FSTL4: variants seen among roughly 807,000 people sequenced by gnomAD.
FSTL4 encodes follistatin-related protein 4.
Under a neutral mutation model 78.2 loss-of-function variants are expected in FSTL4, and 28 were observed. The observed-to-expected ratio is 0.36, with a 90% confidence interval of 0.27 to 0.49. FSTL4 has a LOEUF of 0.49. Among genes scored for constraint, FSTL4 ranks in the 20% least tolerant of loss-of-function variants. The pLI is 0.98. For missense variants in FSTL4, 922 were observed against 1,084.9 expected (o/e 0.85, Z 2.11); for synonymous variants, 422 against 440.5 (o/e 0.96, Z 0.53).
chr5:133,276,800 A>G (rs1386314109), intron 6 of FSTL4, among the ~76,000 whole-genome samples: 3 of 152,194 alleles, frequency 2.0e-5, no homozygotes, highest in Admixed American at 2.0e-4. Flanking sequence ...ATTTTCCCAA[A>G]CTGGAAACAA....
chr5:133,274,380 C>CTTTTTTTTTTTTTTTTTTTT lies in FSTL4; in HGVS notation c.728-24805_728-24804insAAAAAAAAAAAAAAAAAAAA, dbSNP rs59634629. On this transcript the variant is annotated intron_variant, in intron 6 of 15. Transcript: ENST00000265342. ...ATTCTCAGAAAAAGGGCAATCTGTG[C>CTTTTTTTTTTTTTTTTTTTT]TTTTTTTTTTTTTTTTAGGAGAACA... Among the ~76,000 whole-genome samples the CTTTTTTTTTTTTTTTTTTTT allele has an allele frequency of 4.2e-5, 3 of 71,022 alleles. 1 individual carries two copies. Among genetic ancestry groups the CTTTTTTTTTTTTTTTTTTTT allele is most frequent in the Non-Finnish European group, 7.2e-5 (3 of 41,644 alleles). The allele number at this position is 71,022 out of a possible 152,430, so 46.6% of individuals were successfully genotyped here.
At chr5:133,205,212 TTAAA>T (rs555293550) in intron 14 of FSTL4, among the ~76,000 whole-genome samples, 236 of 152,366 alleles carry the variant, frequency 1.5e-3, no homozygotes, top group African/African-American at 5.5e-3. Flanking sequence ...CTGTATTTAA[TTAAA>T]TGTCTTTTCA....
chr5:133,327,269 T>C (rs1416012421), intron 4 of FSTL4, among the ~76,000 whole-genome samples: 2 of 152,138 alleles, frequency 1.3e-5, no homozygotes, highest in African/African-American at 4.8e-5. Context: ...CTCTAGAAGG[T>C]CTGCAGGTCT....
the FSTL4 span, among the ~76,000 whole-genome samples, chr5:133,697,548 C>A: frequency 2.0e-5 from 3 of 152,266 alleles, no homozygotes; most frequent in Non-Finnish European, 2.9e-5. Context: ...ACATCAACAG[C>A]TAATGAGGAG....
At chr5:133,453,982 C>A (rs1034159392) in intron 3 of FSTL4, among the ~76,000 whole-genome samples, 1 of 152,182 alleles carries the variant, frequency 6.6e-6, no homozygotes, top group African/African-American at 2.4e-5. Flanking sequence ...CCATTCTCAG[C>A]AATATAAATA....
intron 1 of FSTL4, among the ~76,000 whole-genome samples, chr5:133,608,176 C>A (rs987608775): frequency 6.6e-6 from 1 of 152,170 alleles, no homozygotes; most frequent in Non-Finnish European, 1.5e-5. Flanking sequence ...CTTTTGAGAT[C>A]AATTTAGATT....
chr5:133,609,103 C>A (rs1761035477), intron 1 of FSTL4, among the ~76,000 whole-genome samples: 1 of 152,170 alleles, frequency 6.6e-6, no homozygotes, highest in Non-Finnish European at 1.5e-5. Context: ...ACCAGACTAG[C>A]CATTAAGGAT....
chr5:133,598,918 C>T (rs935934991), intron 2 of FSTL4, among the ~76,000 whole-genome samples: 4 of 152,190 alleles, frequency 2.6e-5, no homozygotes, highest in South Asian at 4.1e-4. Context: ...CTTGGACCCC[C>T]GTTGGTTCAC....
chr5:133,231,901 C>T (rs969777427), intron 8 of FSTL4, among the ~76,000 whole-genome samples: 41 of 152,118 alleles, frequency 2.7e-4, no homozygotes, highest in African/African-American at 9.4e-4. Context: ...CACAAAGGCC[C>T]GCTGTCTTTG....
Position 133,249,390 on chromosome 5 carries a change from G to A in FSTL4, c.894+20C>T. 2 of 1,606,942 alleles carry A rather than the reference G, an allele frequency of 1.2e-6. No homozygotes were observed. The highest frequency in any genetic ancestry group is 1.7e-6 in the Non-Finnish European group (2 of 1,173,434). On this transcript the variant is annotated intron_variant, in intron 7 of 15. Transcript: ENST00000265342. ...CCAGGGAGGTGCGCTTGAGCTCAGA[G>A]TGAATTCCAGGTGACTTACATTGAT...
chr5:133,246,959 A>G (rs1314646476), intron 7 of FSTL4: 4 of 152,202 alleles, frequency 2.6e-5, no homozygotes. Flanking sequence ...ACTGGAGCTT[A>G]GAGCAGTCAA....
chr5:133,220,083 A>G (rs1265622833), intron 12 of FSTL4, among the ~76,000 whole-genome samples: 3 of 152,394 alleles, frequency 2.0e-5, no homozygotes, highest in East Asian at 3.9e-4. Context: ...ATGGGCTCCA[A>G]GCCCGTAACT....
intron 6 of FSTL4, among the ~76,000 whole-genome samples, chr5:133,257,037 G>A (rs1236480170): frequency 1.3e-5 from 2 of 152,208 alleles, no homozygotes; most frequent in African/African-American, 2.4e-5. Flanking sequence ...TTTTATTTAT[G>A]TTGTATCCCC....
the FSTL4 span, among the ~76,000 whole-genome samples, chr5:133,730,919 A>T: frequency 6.6e-6 from 1 of 152,234 alleles, no homozygotes; most frequent in Non-Finnish European, 1.5e-5. Flanking sequence ...GATGTGTCCA[A>T]GAGAAGAAGA....
At chr5:133,667,385 C>G in the FSTL4 span, among the ~76,000 whole-genome samples, 3 of 152,212 alleles carry the variant, frequency 2.0e-5, no homozygotes, top group Non-Finnish European at 4.4e-5. Context: ...CTGACTTTAA[C>G]ACTGCAGCCA....
chr5:133,476,084 G>C lies in FSTL4; in HGVS notation c.161-75098C>G, dbSNP rs77851912. Among the ~76,000 whole-genome samples the C allele has an allele frequency of 8.1e-3, 1,241 of 152,300 alleles. 52 individuals carry two copies. In the East Asian group the frequency reaches 0.12, roughly 15 times the overall value. The stretch of plus-strand genomic sequence containing the variant: ...AGGAAAGTAGCAGAGGCAAAGAAAG[G>C]TGCTGAGGCCAGCAGAAAGGTGTGA... On this transcript the variant is annotated intron_variant, in intron 3 of 15. Coordinates refer to ENST00000265342, the MANE Select transcript of FSTL4 (RefSeq NM_015082.2).
chr5:133,624,616 AAG>A, the FSTL4 span, among the ~76,000 whole-genome samples: 2 of 151,944 alleles, frequency 1.3e-5, no homozygotes, highest in African/African-American at 4.8e-5. Flanking sequence ...AAAAATACTC[AAG>A]CACATTTAGT....
chr5:133,612,804 C>T (rs1477842764), upstream of FSTL4, among the ~76,000 whole-genome samples: 1 of 152,186 alleles, frequency 6.6e-6, no homozygotes, highest in Admixed American at 6.5e-5. The surrounding 1 kb of genome is among the most constrained non-coding windows in gnomAD (Gnocchi z 6.2). Flanking sequence ...TTCACCTCTG[C>T]TCTCCTCCAG....
Position 133,276,201 on chromosome 5 carries a change from G to A in FSTL4, c.728-26625C>T, listed in dbSNP as rs577165344. Among the ~76,000 whole-genome samples the A allele has an allele frequency of 9.2e-5, 14 of 152,338 alleles. No individual in the cohort carries two copies. The East Asian group carries it at 2.5e-3, about 27-fold the overall frequency. ...AGGGAAATACATCTCTTGTCCCCCA[G>A]GGTGGAAGCCATAGAGGGTGCTCAC... On this transcript the variant is annotated intron_variant, in intron 6 of 15. Coordinates refer to ENST00000265342, the MANE Select transcript of FSTL4 (RefSeq NM_015082.2).
Sources: gnomAD v4.1 joint callset for allele counts (sites outside exome capture counted in the v4.1 genomes callset) on GRCh38, gnomAD v4.1.1 for gene constraint, Gnocchi (gnomAD v3.1) non-coding constraint, MANE v1.5 for transcripts, NCBI Gene and HGNC (gene_info 2026-07-23, HGNC 2026-07-21) for gene names.